The following WDR75 variants were observed in gnomAD, a reference collection of about 807,000 sequenced individuals.
The protein encoded by WDR75 is WD repeat-containing protein 75.
WDR75 carries 52 observed loss-of-function variants against 106.1 expected under a neutral mutation model. That is an observed-to-expected ratio of 0.49 (90% CI 0.39 to 0.62). WDR75 has a LOEUF of 0.62. Ranked by LOEUF, WDR75 falls within the 20% of genes least tolerant of loss-of-function variation. WDR75 has a pLI of 0.00. For synonymous variants in WDR75, 333 were observed against 335.5 expected, an observed-to-expected ratio of 0.99 and a Z score of 0.08; for missense variants, 905 against 970.3, an observed-to-expected ratio of 0.93 and a Z score of 0.89.
Position 189,455,406 on chromosome 2 carries a change from A to G in WDR75, c.460A>G (p.Ile154Val), listed in dbSNP as rs199723813. 1.9e-6 allele frequency: 3 copies of G among 1,614,038 alleles called. No individual in the cohort carries two copies. Among genetic ancestry groups the G allele is most frequent in the East Asian group, 2.2e-5 (1 of 44,880 alleles). ...AKELSFVLDY[I>V]NQSPKCIAFG... Reference sequence around the variant, plus strand: ...GGAGCTGTCCTTTGTTTTGGATTACATAAACCAGTCACCCAAGTGCATTGC... The same window carrying G: ...GGAGCTGTCCTTTGTTTTGGATTACGTAAACCAGTCACCCAAGTGCATTGC... Residue 154 changes from isoleucine (I) to valine (V), a missense_variant, in exon 5 of 21, where the codon ATA becomes GTA. Ile to Val is a conservative substitution (Grantham distance 29). Transcript: ENST00000314761.
chr2:189,470,896 A>G lies in WDR75; in HGVS notation c.2049+18A>G, dbSNP rs774733735. 1.2e-5 allele frequency: 19 copies of G among 1,581,510 alleles called. No homozygotes were observed. Among genetic ancestry groups the G allele is most frequent in the Non-Finnish European group, 1.5e-5 (17 of 1,165,102 alleles). On this transcript the variant is annotated intron_variant, in intron 18 of 20. Transcript: ENST00000314761. Reference sequence around the variant, plus strand: ...GCAAACAGGTATGTTTTAGCCATTCATAGCAGGATGTATTGCCTCCCTAAA... The same window carrying G: ...GCAAACAGGTATGTTTTAGCCATTCGTAGCAGGATGTATTGCCTCCCTAAA...
At chr2:189,470,000 G>A (rs968365900) in intron 16 of WDR75, 76 bp from the exon 17 acceptor site, 1 of 1,320,380 alleles carries the variant, frequency 7.6e-7, no homozygotes, top group Admixed American at 1.9e-5. Context: ...CCCAGGATTA[G>A]TGTGATCTGC....
intron 4 of WDR75, among the ~76,000 whole-genome samples, chr2:189,454,225 T>A (rs1331396464): frequency 6.6e-6 from 1 of 152,182 alleles, no homozygotes; most frequent in Non-Finnish European, 1.5e-5. Flanking sequence ...GAGAATAGAT[T>A]ATATTTAGCA....
In WDR75 at chr2:189,464,006, C is replaced by T. The variant is rs140527883; in HGVS notation, c.1113+45C>T. 1,820 of 1,523,776 alleles carry T rather than the reference C, an allele frequency of 1.2e-3. 3 individuals are homozygous for T. The highest frequency in any genetic ancestry group is 1.5e-3 in the Non-Finnish European group (1,617 of 1,102,500). 94.4% of individuals were successfully genotyped at this position (1,523,776 alleles called of 1,614,324 possible). A position where few individuals can be genotyped will look rare whatever the true frequency, so the allele number is the denominator to read the frequency against. On this transcript the variant is annotated intron_variant, in intron 11 of 20. Coordinates refer to ENST00000314761, the MANE Select transcript of WDR75 (RefSeq NM_032168.3). ...CCTTGAAATTAATGAAAGCTCTTTA[C>T]AGTACCACTGGAGTCAAGCAATTTG...
intron 5 of WDR75, 73 bp from the exon 6 acceptor site, chr2:189,457,238 T>C: frequency 9.5e-7 from 1 of 1,053,452 alleles, no homozygotes; most frequent in Non-Finnish European, 1.4e-6. Flanking sequence ...CGAGACTTTG[T>C]CTCAAAAAAA....
intron 1 of WDR75, among the ~76,000 whole-genome samples, chr2:189,442,842 C>G (rs1392154955): frequency 6.6e-6 from 1 of 151,440 alleles, no homozygotes; most frequent in Admixed American, 6.6e-5. Context: ...GCCTTAGAAG[C>G]CAAAAAAAAA....
intron 11 of WDR75, 56 bp downstream of exon 11, chr2:189,464,017 G>T: frequency 7.0e-7 from 1 of 1,427,126 alleles, no homozygotes; most frequent in Admixed American, 1.8e-5. Flanking sequence ...AGTACCACTG[G>T]AGTCAAGCAA....
Position 189,448,491 on chromosome 2 carries a change from C to G in WDR75, c.199C>G (p.Pro67Ala), listed in dbSNP as rs1451698308. ...RNLVTGIQLN[P>A]NNHLQLYSCS... ...TCTGGTGACTGGAATCCAGCTTAAC[C>G]CCAACAACCATCTACAGGTGTCAAA... The change falls in exon 2 of 21, where the codon CCC becomes GCC. Residue 67 changes from proline (P) to alanine (A), a missense_variant. Coordinates refer to ENST00000314761, the MANE Select transcript of WDR75 (RefSeq NM_032168.3). 6.2e-7 allele frequency: 1 copy of G among 1,613,740 alleles called. No homozygotes were observed. The highest frequency in any genetic ancestry group is 8.5e-7 in the Non-Finnish European group (1 of 1,179,850).
chr2:189,463,769 G>C lies in WDR75; in HGVS notation c.997+16G>C. The C allele has an allele frequency of 6.2e-7, 1 of 1,612,772 alleles. No homozygotes were observed. The highest frequency in any genetic ancestry group is 8.5e-7 in the Non-Finnish European group (1 of 1,179,742). ...CTAGTGAAAGGTATTGCAGAACTCA[G>C]TGGATTTGGAATCATGAACATTTTA... is the stretch of plus-strand genomic sequence containing the variant. On this transcript the variant is annotated intron_variant, in intron 10 of 20. Transcript: ENST00000314761.
intron 1 of WDR75, among the ~76,000 whole-genome samples, chr2:189,445,622 TA>T (rs1472532821): frequency 2.6e-5 from 4 of 151,986 alleles, no homozygotes; most frequent in Non-Finnish European, 5.9e-5. Flanking sequence ...AAAAAGACAT[TA>T]ATGGAAAAAG....
At chr2:189,449,586 AAGTG>A in intron 2 of WDR75, 1 of 1,042,554 alleles carries the variant, frequency 9.6e-7, no homozygotes, top group Non-Finnish European at 1.2e-6. Flanking sequence ...GGATGACTGA[AAGTG>A]AGTAAAATTA....
Position 189,465,246 on chromosome 2 carries a change from A to C in WDR75, c.1281A>C (p.Lys427Asn). ...TGAAACTGTGGATGTATAATAAGAA[A>C]ACACAAGGGTAATACTATCTGTGTA... ...LQMKLWMYNK[K>N]TQGFILNTKI... The change falls in exon 12 of 21, where the codon AAA (lysine) becomes AAC (asparagine). Residue 427 changes from lysine (K) to asparagine (N), a missense_variant. Physicochemically the swap from Lys to Asn is moderately conservative, Grantham distance 94. Coordinates refer to ENST00000314761, the MANE Select transcript of WDR75 (RefSeq NM_032168.3). The C allele has an allele frequency of 1.9e-6, 3 of 1,611,874 alleles. No homozygotes were observed. Among genetic ancestry groups the C allele is most frequent in the Non-Finnish European group, 2.5e-6 (3 of 1,178,766 alleles).
intron 8 of WDR75, among the ~76,000 whole-genome samples, chr2:189,460,542 T>C (rs1397565857): frequency 6.6e-6 from 1 of 152,026 alleles, no homozygotes; most frequent in African/African-American, 2.4e-5. Context: ...TCTCACTTTG[T>C]TACCCAAGCT....
intron 8 of WDR75, among the ~76,000 whole-genome samples, chr2:189,462,171 T>C (rs112051333): frequency 1.3e-4 from 20 of 151,986 alleles, no homozygotes; most frequent in African/African-American, 4.3e-4. Context: ...ATTTTTGGTA[T>C]AGTATTTAAA....
rs549746662 is a variant in WDR75 at position 189,458,933 on chromosome 2, G to T, written c.689+61G>T. On this transcript the variant is annotated intron_variant, in intron 7 of 20. Coordinates refer to ENST00000314761, the MANE Select transcript of WDR75 (RefSeq NM_032168.3). ...TGTACTATTTTACGTTAGTCCTGTA[G>T]AACAGGGCTATCTCTGGGTCCCAAG... 2.5e-5 allele frequency: 38 copies of T among 1,502,090 alleles called. No individual in the cohort carries two copies. The East Asian group carries it at 3.7e-4, about 15-fold the overall frequency. 93.0% of individuals were successfully genotyped at this position (1,502,090 alleles called of 1,614,324 possible).
intron 4 of WDR75, 189 bp downstream of exon 4, chr2:189,452,084 G>A (rs1330540690): frequency 4.0e-6 from 2 of 501,600 alleles, no homozygotes; most frequent in Non-Finnish European, 7.0e-6. Flanking sequence ...AGTGAGGGAG[G>A]GATTATTTTT....
At chr2:189,452,294 T>C (rs975192903) in intron 4 of WDR75, among the ~76,000 whole-genome samples, 6 of 152,164 alleles carry the variant, frequency 3.9e-5, no homozygotes, top group African/African-American at 1.4e-4. Flanking sequence ...GCGCAGTGGC[T>C]CACGCCTGTA....
Position 189,467,499 on chromosome 2 carries a change from T to G in WDR75, c.1479T>G (p.Val493=). 6.2e-7 allele frequency: 1 copy of G among 1,604,064 alleles called. No individual in the cohort carries two copies. Among genetic ancestry groups the G allele is most frequent in the Non-Finnish European group, 8.5e-7 (1 of 1,175,676 alleles). The change falls in exon 14 of 21, where the codon GTT becomes GTG. Residue 493 remains valine (V), a synonymous_variant. Transcript: ENST00000314761. ...KKAVGWTCDF[V]GSYHKYQATN... ...CTGTTGGCTGGACCTGTGACTTTGT[T>G]GGTAGTTATCACAAGTATCAAGCAA...
intron 2 of WDR75, chr2:189,450,162 C>A (rs1246310304): frequency 4.1e-6 from 4 of 971,704 alleles, no homozygotes; most frequent in Admixed American, 6.2e-5. Flanking sequence ...ATTATAATTT[C>A]TATTGTATTT....
Sources: gnomAD v4.1 joint callset for allele counts (sites outside exome capture counted in the v4.1 genomes callset) on GRCh38, gnomAD v4.1.1 for gene constraint, MANE v1.5 for transcripts, NCBI Gene and HGNC (gene_info 2026-07-23, HGNC 2026-07-21) for gene names.